Variants in ATP13A4 observed in about 807,000 individuals in gnomAD.
ATP13A4 encodes the protein probable cation-transporting ATPase 13A4.
Under a neutral mutation model 142.5 loss-of-function variants are expected in ATP13A4, and 114 were observed. That is an observed-to-expected ratio of 0.80 (90% CI 0.69 to 0.93). The LOEUF is 0.93. Among genes scored for constraint, ATP13A4 ranks in the 40% least tolerant of loss-of-function variants. ATP13A4 has a pLI of 0.00. For missense variants in ATP13A4, 1,392 were observed against 1,454.0 expected (o/e 0.96, Z 0.69); for synonymous variants, 488 against 514.8 (o/e 0.95, Z 0.70).
At chr3:193,562,254 G>A (rs750398102) in intron 2 of ATP13A4, among the ~76,000 whole-genome samples, 2 of 152,082 alleles carry the variant, frequency 1.3e-5, no homozygotes, top group Non-Finnish European at 2.9e-5. Context: ...ATGAGTGTGG[G>A]TTATGTTGTA....
At chr3:193,500,278 T>C (rs756084238) in intron 3 of ATP13A4, among the ~76,000 whole-genome samples, 8 of 152,084 alleles carry the variant, frequency 5.3e-5, no homozygotes, top group African/African-American at 1.2e-4. Context: ...TGTTAGAACA[T>C]GTTATAAGAG....
chr3:193,514,638 G>A lies in ATP13A4; in HGVS notation c.234+60C>T, dbSNP rs755157145. Reference sequence around the variant, plus strand: ...GTGCACATCTCCCCCCAGCCATCCCGTAACACATTGTCCAGAAACAAAAGG... The same window carrying A: ...GTGCACATCTCCCCCCAGCCATCCCATAACACATTGTCCAGAAACAAAAGG... On this transcript the variant is annotated intron_variant, in intron 2 of 29. Transcript: ENST00000342695. 5.4e-4 allele frequency: 864 copies of A among 1,588,734 alleles called. 5 individuals are homozygous for A. Among genetic ancestry groups the A allele is most frequent in the Non-Finnish European group, 6.8e-4 (792 of 1,167,712 alleles).
chr3:193,531,370 G>A (rs1393381068), intron 1 of ATP13A4, among the ~76,000 whole-genome samples: 2 of 142,692 alleles, frequency 1.4e-5, no homozygotes, highest in Non-Finnish European at 3.1e-5. Context: ...AGGGAGGGAG[G>A]GAGGAGCGAA....
intron 23 of ATP13A4, among the ~76,000 whole-genome samples, chr3:193,436,972 C>T (rs1026581737): frequency 3.4e-5 from 5 of 148,376 alleles, no homozygotes; most frequent in African/African-American, 5.2e-5. Flanking sequence ...GGCGTGGTGG[C>T]GGGCGCCTGT....
At chr3:193,518,642 C>T (rs1283359409) in intron 1 of ATP13A4, among the ~76,000 whole-genome samples, 2 of 152,130 alleles carry the variant, frequency 1.3e-5, no homozygotes, top group African/African-American at 4.8e-5. Flanking sequence ...TAATGCAACA[C>T]AACATGGGCA....
chr3:193,462,253 T>A (rs1256777106), intron 13 of ATP13A4, among the ~76,000 whole-genome samples: 1 of 151,182 alleles, frequency 6.6e-6, no homozygotes, highest in Non-Finnish European at 1.5e-5. Context: ...AAAGAGAGTT[T>A]CCAGCAGCCA....
Position 193,499,218 on chromosome 3 carries a change from G to A in ATP13A4, c.381+3275C>T, listed in dbSNP as rs138320816. 1.4e-3 allele frequency among the ~76,000 whole-genome samples: 211 copies of A among 152,236 alleles called. 1 individual carries two copies. Among genetic ancestry groups the A allele is most frequent in the African/African-American group, 4.9e-3 (205 of 41,546 alleles). On this transcript the variant is annotated intron_variant, in intron 3 of 29. Transcript: ENST00000342695. ...CATTTAAAAAGTATATCTTATTGCC[G>A]ATTTAGAGTGAATTTCCAGTAGGAA...
At chr3:193,403,852 G>C in intron 29 of ATP13A4, 1 of 985,328 alleles carries the variant, frequency 1.0e-6, no homozygotes, top group Non-Finnish European at 1.2e-6. Flanking sequence ...AATTAGAACT[G>C]ATTTTCATGT....
intron 7 of ATP13A4, among the ~76,000 whole-genome samples, chr3:193,485,001 A>G (rs755207421): frequency 2.6e-5 from 4 of 152,206 alleles, no homozygotes; most frequent in Non-Finnish European, 5.9e-5. Flanking sequence ...GCCAAGGGGT[A>G]AGGGCAAATC....
At chr3:193,428,446 T>C (rs1017522424) in intron 25 of ATP13A4, among the ~76,000 whole-genome samples, 1 of 152,154 alleles carries the variant, frequency 6.6e-6, no homozygotes, top group East Asian at 1.9e-4. Context: ...ACTGGGTATA[T>C]ACCCAAAGGA....
Position 193,442,795 on chromosome 3 carries a change from A to C in ATP13A4, c.2153-239T>G, listed in dbSNP as rs887389004. ...TATTTTTGCCAGACTGGGGGAAAAA[A>C]TTAAAAAGCAAAATTCAAATCTATT... On this transcript the variant is annotated intron_variant, in intron 18 of 29. Coordinates refer to ENST00000342695, the MANE Select transcript of ATP13A4 (RefSeq NM_032279.4). Among the ~76,000 whole-genome samples, 6 of 152,184 alleles carry C rather than the reference A, an allele frequency of 3.9e-5. 1 individual carries two copies. Among genetic ancestry groups the C allele is most frequent in the African/African-American group, 1.4e-4 (6 of 41,436 alleles).
intron 8 of ATP13A4, among the ~76,000 whole-genome samples, chr3:193,474,242 C>A (rs1718783070): frequency 6.9e-6 from 1 of 144,770 alleles, no homozygotes; most frequent in Non-Finnish European, 1.5e-5. Flanking sequence ...CTGCTTGAAC[C>A]CAGGAAGCAG....
rs189378270 is a variant in ATP13A4 at position 193,414,700 on chromosome 3, G to A, written c.2893C>T (p.Arg965Trp). The A allele has an allele frequency of 9.6e-5, 155 of 1,614,132 alleles. No homozygotes were observed. The highest frequency in any genetic ancestry group is 3.3e-4 in the Middle Eastern group (2 of 6,056). The change falls in exon 26 of 30, where the codon CGG becomes TGG. Residue 965 changes from arginine to tryptophan, a missense_variant. Transcript: ENST00000342695. ...AGTAGCAGAGGTGGAGAGATCAGCC[G>A]TCCTGCAGGTCTGAAAGGCACCAGC... The part of the protein sequence containing the change: ...PKLVPFRPAG[R>W]LISPPLLLSV...
intron 1 of ATP13A4, among the ~76,000 whole-genome samples, chr3:193,531,884 G>A (rs1722358909): frequency 6.6e-6 from 1 of 152,088 alleles, no homozygotes; most frequent in Non-Finnish European, 1.5e-5. Context: ...CATAAACTAA[G>A]CCCTGAAAAC....
intron 1 of ATP13A4, among the ~76,000 whole-genome samples, chr3:193,531,241 G>A (rs140151990): frequency 2.9e-3 from 406 of 139,654 alleles, no homozygotes; most frequent in South Asian, 4.2e-3. Context: ...ACCTAGCACA[G>A]GGACTTGTAC....
At chr3:193,456,591 A>C (rs1432611033) in intron 16 of ATP13A4, among the ~76,000 whole-genome samples, 1 of 152,184 alleles carries the variant, frequency 6.6e-6, no homozygotes, top group Non-Finnish European at 1.5e-5. Context: ...GTGAGGTAAA[A>C]AATCTGGTCA....
chr3:193,567,489 C>T (rs114849291), intron 2 of ATP13A4, among the ~76,000 whole-genome samples: 3,646 of 152,278 alleles, frequency 0.024, 52 homozygotes, highest in East Asian at 0.032. Flanking sequence ...TCCTCAAGAG[C>T]ATCACAATCT....
chr3:193,413,586 G>A (rs1322131434), intron 26 of ATP13A4, among the ~76,000 whole-genome samples: 1 of 152,146 alleles, frequency 6.6e-6, no homozygotes, highest in African/African-American at 2.4e-5. Context: ...ATCCTGGGGG[G>A]AAGGAATGCA....
chr3:193,408,702 A>G (rs530120715), intron 28 of ATP13A4, among the ~76,000 whole-genome samples: 26 of 152,346 alleles, frequency 1.7e-4, no homozygotes, highest in African/African-American at 6.3e-4. Flanking sequence ...TTCCTACGAG[A>G]CGTAGAAACT....
Sources: gnomAD v4.1 joint callset for allele counts (sites outside exome capture counted in the v4.1 genomes callset) on GRCh38, gnomAD v4.1.1 for gene constraint, MANE v1.5 for transcripts, NCBI Gene and HGNC (gene_info 2026-07-23, HGNC 2026-07-21) for gene names.